The following SLC1A6 variants were observed in gnomAD, a reference collection of about 807,000 sequenced individuals.
SLC1A6 encodes the protein solute carrier family 1 member 6, also known as excitatory amino acid transporter 4.
SLC1A6 carries 15 observed loss-of-function variants against 42.1 expected under a neutral mutation model. The observed-to-expected ratio is 0.36, with a 90% CI of 0.24 to 0.55. The LOEUF is 0.55. SLC1A6 is among the 20% of genes least tolerant of loss of function. The pLI is 0.88. For synonymous variants in SLC1A6, 317 were observed against 319.7 expected, an observed-to-expected ratio of 0.99 and a Z score of 0.09; for missense variants, 542 against 772.5, an observed-to-expected ratio of 0.70 and a Z score of 3.54.
chr19:14,995,956 A>G (rs969159630), intron 1 of SLC1A6, among the ~76,000 whole-genome samples: 6 of 152,192 alleles, frequency 3.9e-5, no homozygotes, highest in Admixed American at 3.9e-4. Context: ...TCCATTTTAA[A>G]GATCTTAAAG....
chr19:14,983,552 G>C (rs75137518), upstream of SLC1A6, among the ~76,000 whole-genome samples: 1 of 151,662 alleles, frequency 6.6e-6, no homozygotes, highest in Admixed American at 6.6e-5. Flanking sequence ...AGCCAGGTAT[G>C]GGGGGCGTGC....
chr19:15,000,040 C>G (rs562954410), intron 1 of SLC1A6, among the ~76,000 whole-genome samples: 32 of 139,302 alleles, frequency 2.3e-4, no homozygotes, highest in African/African-American at 8.4e-4. Flanking sequence ...GGTTCCCCTT[C>G]CTGTGTCCAT....
chr19:14,989,663 A>AAAAAC (rs1222012755), intron 1 of SLC1A6, among the ~76,000 whole-genome samples: 1 of 152,072 alleles, frequency 6.6e-6, no homozygotes, highest in Non-Finnish European at 1.5e-5. Context: ...AGCCATTATA[A>AAAAAC]AAAACAAAAC....
chr19:15,008,796 T>C (rs1393593113), intron 1 of SLC1A6, among the ~76,000 whole-genome samples: 1 of 151,082 alleles, frequency 6.6e-6, no homozygotes, highest in East Asian at 1.9e-4. Context: ...CCAACCTGGG[T>C]AACATGGCAA....
At chr19:14,957,937 A>C (rs1480373637) in intron 6 of SLC1A6, among the ~76,000 whole-genome samples, 1 of 152,212 alleles carries the variant, frequency 6.6e-6, no homozygotes, top group East Asian at 1.9e-4. Context: ...ACCAGAGAGA[A>C]GACCAATGTG....
At chr19:14,999,122 C>T (rs1351552617) in intron 1 of SLC1A6, among the ~76,000 whole-genome samples, 1 of 152,084 alleles carries the variant, frequency 6.6e-6, no homozygotes, top group Non-Finnish European at 1.5e-5. Context: ...TCGTGATTCA[C>T]CTGCCTCAGC....
intron 1 of SLC1A6, among the ~76,000 whole-genome samples, chr19:14,999,356 A>G (rs2045862550): frequency 6.6e-6 from 1 of 152,090 alleles, no homozygotes; most frequent in South Asian, 2.1e-4. Flanking sequence ...GAATCCACCT[A>G]TGACCTGGAA....
At chr19:14,992,816 A>G (rs1470225901) in intron 1 of SLC1A6, among the ~76,000 whole-genome samples, 1 of 152,184 alleles carries the variant, frequency 6.6e-6, no homozygotes, top group Non-Finnish European at 1.5e-5. Flanking sequence ...GTCCCAGACG[A>G]CTGCCCCAGC....
intron 8 of SLC1A6, 72 bp downstream of exon 8, chr19:14,954,063 C>CCCAACCCACCCAG: frequency 7.6e-7 from 1 of 1,307,820 alleles, no homozygotes; most frequent in Non-Finnish European, 1.1e-6. Flanking sequence ...CTCCTCCCTC[C>CCCAACCCACCCAG]CCAACCCTCC....
chr19:14,951,180 A>G (rs1318778352), intron 9 of SLC1A6, among the ~76,000 whole-genome samples: 2 of 135,634 alleles, frequency 1.5e-5, no homozygotes, highest in African/African-American at 2.7e-5. Flanking sequence ...TGAACCTGGG[A>G]GGCAGAGGTT....
intron 2 of SLC1A6, 52 bp downstream of exon 2, chr19:14,972,654 T>C (rs1269071630): frequency 1.3e-6 from 2 of 1,516,638 alleles, no homozygotes; most frequent in Non-Finnish European, 1.8e-6. Flanking sequence ...GGAATTTCCC[T>C]GAAGTCCCCG....
intron 1 of SLC1A6, among the ~76,000 whole-genome samples, chr19:14,999,881 C>T (rs1351778932): frequency 6.6e-6 from 1 of 151,996 alleles, no homozygotes; most frequent in East Asian, 1.9e-4. Flanking sequence ...TTTTAGGGTA[C>T]ATGTGCACAA....
rs150703191 is a variant in SLC1A6, at chr19:14,989,995, A to G, written c.7-17078T>C. Among the ~76,000 whole-genome samples, 222 of 152,270 alleles carry G rather than the reference A, an allele frequency of 1.5e-3. 1 individual carries two copies. Among genetic ancestry groups the G allele is most frequent in the African/African-American group, 4.9e-3 (203 of 41,542 alleles). ...CAACAGAGCAAGACTCTGTCTCGAA[A>G]AAATAGAAGAACAGTGTGGAGGTTT... On this transcript the variant is annotated intron_variant, in intron 1 of 8. Transcript: ENST00000430939.
intron 1 of SLC1A6, among the ~76,000 whole-genome samples, chr19:15,001,449 A>G (rs78120202): frequency 8.6e-4 from 131 of 152,334 alleles, no homozygotes; most frequent in African/African-American, 3.1e-3. Context: ...ACAAATGCAA[A>G]GACTATGAGA....
Position 15,008,867 on chromosome 19 carries a change from G to T in SLC1A6, c.6+1618C>A, listed in dbSNP as rs148575099. Reference sequence around the variant, plus strand: ...GCGTTTTTTTTTTTTTTACAGGCAGGCACCTGTAATTTCAGCTATTCAGGA... The same window carrying T: ...GCGTTTTTTTTTTTTTTACAGGCAGTCACCTGTAATTTCAGCTATTCAGGA... On this transcript the variant is annotated intron_variant, in intron 1 of 8. Coordinates refer to the SLC1A6 transcript ENST00000430939. Among the ~76,000 whole-genome samples the T allele has an allele frequency of 4.7e-3, 707 of 150,266 alleles. 9 individuals carry two copies. Among genetic ancestry groups the T allele is most frequent in the African/African-American group, 0.017 (683 of 40,848 alleles).
upstream of SLC1A6, among the ~76,000 whole-genome samples, chr19:14,983,665 G>A (rs1382583804): frequency 1.4e-5 from 2 of 145,934 alleles, no homozygotes; most frequent in South Asian, 2.2e-4. Context: ...TCCTGCCTGG[G>A]CGACAGAGCA....
intron 7 of SLC1A6, 82 bp from the exon 8 acceptor site, chr19:14,954,411 A>G: frequency 1.5e-6 from 2 of 1,291,192 alleles, no homozygotes; most frequent in Non-Finnish European, 2.2e-6. Context: ...CTAGTGGGGC[A>G]GGGCAGAGAA....
At chr19:14,960,773 A>G (rs1333207425) in intron 6 of SLC1A6, among the ~76,000 whole-genome samples, 1 of 152,230 alleles carries the variant, frequency 6.6e-6, no homozygotes, top group Non-Finnish European at 1.5e-5. Flanking sequence ...CTCGCAGGAA[A>G]GGGAGATTGG....
rs1421384647 is a variant in SLC1A6 at position 14,962,078 on chromosome 19, G to A, written c.859C>T (p.His287Tyr). The A allele has an allele frequency of 1.9e-6, 3 of 1,614,200 alleles. No individual in the cohort carries two copies. The highest frequency in any genetic ancestry group is 1.6e-4 in the Middle Eastern group (1 of 6,062). Residue 287 changes from histidine to tyrosine, a missense_variant, in exon 6 of 10, where the codon CAC becomes TAC. By Grantham distance (83) the His-to-Tyr change is moderately conservative. This residue lies in a region of SLC1A6 where 298 missense variants were observed against 419.4 expected (regional missense o/e 0.71). Transcript: ENST00000594383. ...AFGLVIGGMK[H>Y]KGRVLRDFFD... ...AAGTCCCTGAGGACTCTGCCCTTGT[G>A]TTTCATGCCACCAATGACCAGCCCA...
Sources: gnomAD v4.1 joint callset for allele counts (sites outside exome capture counted in the v4.1 genomes callset) on GRCh38, gnomAD v4.1.1 for gene constraint, gnomAD v4.1.1 regional missense constraint, MANE v1.5 for transcripts, NCBI Gene and HGNC (gene_info 2026-07-23, HGNC 2026-07-21) for gene names.